The following SIRT2 variants were observed in gnomAD, a reference collection of about 807,000 sequenced individuals.
SIRT2 encodes NAD-dependent protein deacetylase sirtuin-2.
Under a neutral mutation model 57.4 loss-of-function variants are expected in SIRT2, and 40 were observed. The ratio of observed to expected loss-of-function variants is 0.70; its 90% CI spans 0.54 to 0.91. The LOEUF (loss-of-function observed/expected upper bound fraction) is 0.91. SIRT2 is among the 40% of genes least tolerant of loss of function. The pLI, the probability that SIRT2 is intolerant of heterozygous loss-of-function variation, is 0.00. For synonymous variants in SIRT2, 161 were observed against 195.7 expected, an observed-to-expected ratio of 0.82 and a Z score of 1.48; for missense variants, 439 against 510.4, an observed-to-expected ratio of 0.86 and a Z score of 1.35.
At chr19:38,885,986 A>G (rs969914423) in intron 8 of SIRT2, among the ~76,000 whole-genome samples, 1 of 152,114 alleles carries the variant, frequency 6.6e-6, no homozygotes, top group Non-Finnish European at 1.5e-5. Context: ...TCTTAAAACA[A>G]CCACCCCCTT....
At chr19:38,881,925 C>T (rs544693233) in intron 9 of SIRT2, among the ~76,000 whole-genome samples, 214 of 147,220 alleles carry the variant, frequency 1.5e-3, no homozygotes, top group Admixed American at 1.9e-3. Flanking sequence ...TGGGCTCAAG[C>T]AAATCTGCCC....
At chr19:38,879,774 G>A in intron 13 of SIRT2, 72 bp from the exon 14 acceptor site, 2 of 1,186,390 alleles carry the variant, frequency 1.7e-6, no homozygotes, top group Admixed American at 2.4e-5. Context: ...CTGGAGCCAG[G>A]TGGCCTGGGT....
rs368133300 is a variant in SIRT2 at position 38,890,195 on chromosome 19, C to T, written c.227-51G>A. The T allele has an allele frequency of 3.5e-5, 55 of 1,588,602 alleles. 1 individual carries two copies. The highest frequency in any genetic ancestry group is 1.2e-4 in the Admixed American group (7 of 59,712). On this transcript the variant is annotated intron_variant, in intron 4 of 15. Coordinates refer to ENST00000249396, the MANE Select transcript of SIRT2 (RefSeq NM_012237.4). The stretch of plus-strand genomic sequence containing the variant: ...TATGACACCGTTTGCTCAGTCCCTA[C>T]GATAGCACCACCCATCACAGCCCCT...
chr19:38,898,474 G>T, intron 1 of SIRT2, 49 bp from the exon 2 acceptor site: 1 of 1,200,734 alleles, frequency 8.3e-7, no homozygotes, highest in Admixed American at 2.3e-5. Context: ...CGATTAAGGG[G>T]GGAATAAAGG....
chr19:38,880,523 G>A lies in SIRT2; in HGVS notation c.876+162C>T. 1.7e-6 allele frequency: 1 copy of A among 585,520 alleles called. No individual in the cohort carries two copies. The highest frequency in any genetic ancestry group is 3.0e-6 in the Non-Finnish European group (1 of 329,610). 36.3% of individuals were successfully genotyped at this position (585,520 alleles called of 1,614,324 possible). On this transcript the variant is annotated intron_variant, in intron 13 of 15. Coordinates refer to ENST00000249396, the MANE Select transcript of SIRT2 (RefSeq NM_012237.4). This position sits in a 1 kb window ranked among gnomAD's most constrained non-coding sequence, Gnocchi z 4.1. ...TCACTTGCTCAAAAGGGCAGTGAAT[G>A]TCCCAGAGGCCTGGAACCCGACCCC... is the stretch of plus-strand genomic sequence containing the variant.
At position 38,899,559 on chromosome 19, in the gene SIRT2, G is replaced by A; in HGVS notation, c.-38C>T. 1 of 1,613,602 alleles carries A rather than the reference G, an allele frequency of 6.2e-7. No individual in the cohort carries two copies. The highest frequency in any genetic ancestry group is 2.2e-5 in the East Asian group (1 of 44,870). ...GAAGCCCTTGAGGCTGTCACCGACC[G>A]CTCTGTCCCGTCACCAACCACTGTG... is the stretch of plus-strand genomic sequence containing the variant. On this transcript the variant is annotated 5_prime_UTR_variant, in exon 1 of 16. Transcript: ENST00000249396.
At chr19:38,891,406 G>T (rs889421366) in intron 4 of SIRT2, among the ~76,000 whole-genome samples, 5 of 151,906 alleles carry the variant, frequency 3.3e-5, no homozygotes, top group South Asian at 2.1e-4. Flanking sequence ...AAAATTAGCC[G>T]GGCGTGGTGG....
chr19:38,892,221 C>T (rs1218675359), intron 4 of SIRT2, among the ~76,000 whole-genome samples: 1 of 151,988 alleles, frequency 6.6e-6, no homozygotes, highest in Non-Finnish European at 1.5e-5. Flanking sequence ...CATGGTGAAA[C>T]CCTGTCTCTA....
chr19:38,891,501 A>G (rs1973536040), intron 4 of SIRT2, among the ~76,000 whole-genome samples: 1 of 152,142 alleles, frequency 6.6e-6, no homozygotes, highest in African/African-American at 2.4e-5. Flanking sequence ...GTGAGCCATG[A>G]TAGCGCCACT....
chr19:38,879,047 G>A lies in SIRT2; in HGVS notation c.*108C>T, dbSNP rs1973031522. ...GGGAGGGAGCTGTAAGAGATTGGGGGATGTTCTGAGCTCCCCAGACAAGAA... is the reference window on the plus strand; with the variant it reads ...GGGAGGGAGCTGTAAGAGATTGGGGAATGTTCTGAGCTCCCCAGACAAGAA... On this transcript the variant is annotated 3_prime_UTR_variant, in exon 16 of 16. Transcript: ENST00000249396. The A allele has an allele frequency of 8.3e-7, 1 of 1,201,506 alleles. No individual in the cohort carries two copies. The highest frequency in any genetic ancestry group is 1.1e-6 in the Non-Finnish European group (1 of 873,706). The allele number at this position is 1,201,506 out of a possible 1,614,324, so 74.4% of individuals were successfully genotyped here.
At chr19:38,896,520 G>A (rs953278313) in intron 2 of SIRT2, among the ~76,000 whole-genome samples, 6 of 152,208 alleles carry the variant, frequency 3.9e-5, no homozygotes, top group African/African-American at 1.4e-4. Context: ...GCCTCACCTC[G>A]TTTTTCAGAG....
At chr19:38,895,284 G>T (rs182873802) in intron 2 of SIRT2, among the ~76,000 whole-genome samples, 11 of 152,164 alleles carry the variant, frequency 7.2e-5, no homozygotes, top group Non-Finnish European at 1.5e-4. Context: ...AGGCTGTCTG[G>T]GTCAGCTCGC....
chr19:38,882,076 G>C (rs1973171889), intron 9 of SIRT2, among the ~76,000 whole-genome samples: 1 of 151,866 alleles, frequency 6.6e-6, no homozygotes, highest in African/African-American at 2.4e-5. Context: ...GAGTGCAGTG[G>C]TGTGATCATA....
At chr19:38,895,629 A>T (rs994251218) in intron 2 of SIRT2, among the ~76,000 whole-genome samples, 11 of 152,204 alleles carry the variant, frequency 7.2e-5, no homozygotes, top group Admixed American at 7.2e-4. Flanking sequence ...AATTTAAAAA[A>T]TTGCTTTTTA....
At chr19:38,889,491 T>G (rs1189528769) in intron 7 of SIRT2, 198 bp downstream of exon 7, 1 of 667,518 alleles carries the variant, frequency 1.5e-6, no homozygotes, top group Non-Finnish European at 2.7e-6. Flanking sequence ...TTAGCTTCAC[T>G]TCACAGGAGG....
rs578031252 is a variant in SIRT2, at chr19:38,894,900, G to A, written c.64-1033C>T. 4.8e-5 allele frequency: 22 copies of A among 455,980 alleles called. No homozygotes were observed. In the East Asian group the frequency reaches 1.2e-3, roughly 25 times the overall value. The allele number at this position is 455,980 out of a possible 1,614,324, so 28.2% of individuals were successfully genotyped here. ...ATACCATCTCTCTGCCCTCAGATCCGGGGTTCCCTGGCTTCCTGGACACCT... is the reference window on the plus strand; with the variant it reads ...ATACCATCTCTCTGCCCTCAGATCCAGGGTTCCCTGGCTTCCTGGACACCT... On this transcript the variant is annotated intron_variant, in intron 2 of 15. Coordinates refer to ENST00000249396, the MANE Select transcript of SIRT2 (RefSeq NM_012237.4).
intron 15 of SIRT2, 26 bp downstream of exon 15, chr19:38,879,408 C>T (rs781208039): frequency 3.8e-6 from 6 of 1,589,852 alleles, no homozygotes; most frequent in South Asian, 1.1e-5. Context: ...GGGCTCAGGA[C>T]AGGCTGGGGT....
chr19:38,878,706 C>T lies in SIRT2; in HGVS notation c.*449G>A, dbSNP rs1973015252. ...CTCGGGAGCCCTCCCGGCTCAGACTCCCCCTACGCTGGGTGTGGGTTATAT... is the reference window on the plus strand; with the variant it reads ...CTCGGGAGCCCTCCCGGCTCAGACTTCCCCTACGCTGGGTGTGGGTTATAT... On this transcript the variant is annotated 3_prime_UTR_variant, in exon 16 of 16. Transcript: ENST00000249396. 6.4e-6 allele frequency: 1 copy of T among 155,714 alleles called. No homozygotes were observed. Among genetic ancestry groups the T allele is most frequent in the South Asian group, 2.0e-4 (1 of 5,080 alleles). The allele number at this position is 155,714 out of a possible 1,614,324, so 9.6% of individuals were successfully genotyped here.
chr19:38,883,753 T>C lies in SIRT2; in HGVS notation c.505A>G (p.Ile169Val). ...GLLLRCYTQN[I>V]DTLERIAGLE... ...CCGGCTATTCGCTCCAGGGTATCTA[T>C]GTTCTAGAGGGAGAGATGGAGGGAA... The change falls in exon 9 of 16, where the codon ATA (isoleucine) becomes GTA (valine). Residue 169 changes from isoleucine to valine, a missense_variant. Coordinates refer to ENST00000249396, the MANE Select transcript of SIRT2 (RefSeq NM_012237.4). 1.2e-6 allele frequency: 2 copies of C among 1,613,774 alleles called. No individual in the cohort carries two copies. Among genetic ancestry groups the C allele is most frequent in the Non-Finnish European group, 1.7e-6 (2 of 1,179,812 alleles).
Sources: gnomAD v4.1 joint callset for allele counts (sites outside exome capture counted in the v4.1 genomes callset) on GRCh38, gnomAD v4.1.1 for gene constraint, Gnocchi (gnomAD v3.1) non-coding constraint, MANE v1.5 for transcripts, NCBI Gene and HGNC (gene_info 2026-07-23, HGNC 2026-07-21) for gene names.